Variants in BZW2 observed in about 807,000 individuals in gnomAD.
BZW2 encodes the protein eIF5-mimic protein 1.
Under a neutral mutation model 53.2 loss-of-function variants are expected in BZW2, and 23 were observed. The observed-to-expected ratio is 0.43, with a 90% CI of 0.31 to 0.61. The LOEUF is 0.61. Among genes scored for constraint, BZW2 ranks in the 20% least tolerant of loss-of-function variants. BZW2 has a pLI of 0.09. For synonymous variants in BZW2, 227 were observed against 186.4 expected (o/e 1.22, Z -1.77); for missense variants, 409 against 503.1 (o/e 0.81, Z 1.79).
At chr7:16,687,116 G>A (rs1161445302) in intron 6 of BZW2, 1 of 152,048 alleles carries the variant, frequency 6.6e-6, no homozygotes, top group Non-Finnish European at 1.5e-5. Flanking sequence ...AAACCTAAGT[G>A]ATGTCTGTAA....
chr7:16,661,701 C>A (rs992130184), intron 1 of BZW2, among the ~76,000 whole-genome samples: 1 of 152,066 alleles, frequency 6.6e-6, no homozygotes, highest in Non-Finnish European at 1.5e-5. Flanking sequence ...AATGTAGTCT[C>A]TTAGGTGACA....
intron 3 of BZW2, among the ~76,000 whole-genome samples, chr7:16,678,366 C>CT (rs1391879444): frequency 6.6e-6 from 1 of 151,974 alleles, no homozygotes; most frequent in Non-Finnish European, 1.5e-5. Flanking sequence ...AAAATAGCAG[C>CT]TATCTTGGTC....
At chr7:16,650,190 C>G (rs1781951306) in intron 1 of BZW2, among the ~76,000 whole-genome samples, 1 of 152,148 alleles carries the variant, frequency 6.6e-6, no homozygotes, top group Non-Finnish European at 1.5e-5. Flanking sequence ...ATTTTAACTT[C>G]TCCAAAAAGT....
chr7:16,667,280 AAAAAAAAAAAAAC>A (rs1269967133), intron 2 of BZW2, among the ~76,000 whole-genome samples: 2 of 136,158 alleles, frequency 1.5e-5, no homozygotes, highest in Non-Finnish European at 3.0e-5. Context: ...GCTCCATCTC[AAAAAAAAAAAAAC>A]AAAAAAAAAA....
chr7:16,678,025 G>T (rs1377172947), intron 3 of BZW2, among the ~76,000 whole-genome samples: 2 of 148,784 alleles, frequency 1.3e-5, no homozygotes, highest in African/African-American at 5.0e-5. Flanking sequence ...TTACATAAAT[G>T]CTTTGTTTAA....
chr7:16,682,395 T>C (rs1186469853), intron 4 of BZW2, among the ~76,000 whole-genome samples: 2 of 152,162 alleles, frequency 1.3e-5, no homozygotes, highest in East Asian at 3.9e-4. Context: ...CCACCTAGAG[T>C]AGAATCTGTC....
At chr7:16,705,949 G>A (rs1304522318) in intron 11 of BZW2, 111 bp from the exon 12 acceptor site, 9 of 1,225,776 alleles carry the variant, frequency 7.3e-6, no homozygotes, top group African/African-American at 3.0e-5. Flanking sequence ...GGTGCCTAGG[G>A]TAAAAGTATG....
At chr7:16,657,023 A>G (rs1782141977) in intron 1 of BZW2, among the ~76,000 whole-genome samples, 1 of 152,176 alleles carries the variant, frequency 6.6e-6, no homozygotes, top group African/African-American at 2.4e-5. Context: ...TCAGCCATTT[A>G]TCCAAGAAAC....
At chr7:16,704,754 T>G in intron 11 of BZW2, 85 bp downstream of exon 11, 1 of 1,323,152 alleles carries the variant, frequency 7.6e-7, no homozygotes, top group African/African-American at 1.5e-5. Context: ...CAGATTTTAC[T>G]TGATTTTCTA....
At chr7:16,667,472 A>G (rs1439538503) in intron 2 of BZW2, among the ~76,000 whole-genome samples, 3 of 152,210 alleles carry the variant, frequency 2.0e-5, no homozygotes, top group Non-Finnish European at 4.4e-5. Flanking sequence ...GGACTAAATT[A>G]TCTCTTTAAT....
At chr7:16,662,188 GT>G (rs1365131548) in intron 1 of BZW2, 3 of 152,084 alleles carry the variant, frequency 2.0e-5, no homozygotes, top group Non-Finnish European at 4.4e-5. Flanking sequence ...GCTCCAAATA[GT>G]AACAGCTAAA....
At chr7:16,698,023 C>A in intron 9 of BZW2, 25 bp from the exon 10 acceptor site, 2 of 1,613,646 alleles carry the variant, frequency 1.2e-6, no homozygotes, top group South Asian at 2.2e-5. Flanking sequence ...CAAGTGACGG[C>A]TTTTACTCTC....
chr7:16,663,655 A>G (rs1347386400), intron 1 of BZW2, among the ~76,000 whole-genome samples: 1 of 152,100 alleles, frequency 6.6e-6, no homozygotes, highest in Non-Finnish European at 1.5e-5. Context: ...TAAATTTTTT[A>G]TTGTTTGATG....
chr7:16,666,802 A>G (rs756112861), intron 2 of BZW2, among the ~76,000 whole-genome samples: 1 of 152,100 alleles, frequency 6.6e-6, no homozygotes, highest in Non-Finnish European at 1.5e-5. Flanking sequence ...CCAAGGAGCC[A>G]CTTTTGTGTG....
At chr7:16,691,631 C>T (rs1340654631) in intron 7 of BZW2, among the ~76,000 whole-genome samples, 1 of 152,196 alleles carries the variant, frequency 6.6e-6, no homozygotes, top group East Asian at 1.9e-4. Context: ...AAATCCAATC[C>T]ACTAATAGGC....
intron 1 of BZW2, among the ~76,000 whole-genome samples, chr7:16,650,707 G>C (rs756954847): frequency 1.3e-4 from 20 of 152,104 alleles, no homozygotes; most frequent in Non-Finnish European, 1.8e-4. Context: ...ATCTTAGCAG[G>C]TCATAAACAA....
intron 1 of BZW2, among the ~76,000 whole-genome samples, chr7:16,657,492 G>C (rs1214229897): frequency 6.6e-6 from 1 of 152,084 alleles, no homozygotes; most frequent in Non-Finnish European, 1.5e-5. Context: ...TTGTCTGCTG[G>C]TGTTGAGCTT....
At chr7:16,699,494 T>C (rs998256312) in intron 10 of BZW2, among the ~76,000 whole-genome samples, 6 of 152,208 alleles carry the variant, frequency 3.9e-5, no homozygotes, top group African/African-American at 1.4e-4. Context: ...CACATTTGTT[T>C]TGAGGGTGGT....
chr7:16,685,242 T>C (rs1783077224), intron 5 of BZW2, among the ~76,000 whole-genome samples: 1 of 152,206 alleles, frequency 6.6e-6, no homozygotes, highest in African/African-American at 2.4e-5. Flanking sequence ...GGTTGCTACT[T>C]TTTTAGTTCC....
Sources: allele counts gnomAD v4.1 joint callset (sites outside exome capture counted in the v4.1 genomes callset), GRCh38; gene constraint gnomAD v4.1.1; transcripts MANE v1.5; gene names NCBI Gene and HGNC (gene_info 2026-07-23, HGNC 2026-07-21).